The following SMCO4 variants were observed in gnomAD, a reference collection of about 807,000 sequenced individuals.
SMCO4 encodes the protein single-pass membrane protein with coiled-coil domains 4.
A neutral mutation model predicts 3.6 loss-of-function variants in SMCO4; 4 were observed. That is an observed-to-expected ratio of 1.11 (90% CI 0.54 to 2.53). SMCO4 has a LOEUF of 2.53. Ranked by LOEUF, SMCO4 falls within the 30% of genes most tolerant of loss-of-function variation. The pLI, the probability that SMCO4 is intolerant of heterozygous loss-of-function variation, is 0.02. For synonymous variants in SMCO4, 36 were observed against 35.3 expected (o/e 1.02, Z -0.07); for missense variants, 70 against 80.8 (o/e 0.87, Z 0.51).
chr11:93,520,167 C>G (rs922555532), intron 1 of SMCO4, among the ~76,000 whole-genome samples: 1 of 152,164 alleles, frequency 6.6e-6, no homozygotes, highest in African/African-American at 2.4e-5. Context: ...CTGGACAACT[C>G]CCTTGTTTTA....
At chr11:93,521,890 T>C (rs764609921) in intron 1 of SMCO4, among the ~76,000 whole-genome samples, 4 of 152,196 alleles carry the variant, frequency 2.6e-5, no homozygotes, top group East Asian at 1.9e-4. Flanking sequence ...ATTTTGATCA[T>C]TGATCCACAG....
chr11:93,493,659 C>A (rs562997896), intron 2 of SMCO4, among the ~76,000 whole-genome samples: 106 of 152,322 alleles, frequency 7.0e-4, no homozygotes, highest in African/African-American at 2.3e-3. Context: ...GTGTTCCCCA[C>A]TGTCAACAAA....
At chr11:93,494,994 A>G (rs547882071) in intron 2 of SMCO4, among the ~76,000 whole-genome samples, 1 of 152,132 alleles carries the variant, frequency 6.6e-6, no homozygotes, top group South Asian at 2.1e-4. Flanking sequence ...GACCCTCCTC[A>G]GTGTTCTCTG....
At chr11:93,515,324 T>G (rs1191749313) in intron 1 of SMCO4, among the ~76,000 whole-genome samples, 1 of 152,186 alleles carries the variant, frequency 6.6e-6, no homozygotes, top group East Asian at 1.9e-4. Flanking sequence ...GTTAGTAAAA[T>G]AATCACAAAA....
chr11:93,506,644 T>C (rs1948905917), intron 1 of SMCO4, among the ~76,000 whole-genome samples: 1 of 152,136 alleles, frequency 6.6e-6, no homozygotes. Flanking sequence ...GGTTTCACCA[T>C]GTTAGCCAGG....
chr11:93,516,725 G>T (rs555625829), intron 1 of SMCO4, among the ~76,000 whole-genome samples: 6 of 152,162 alleles, frequency 3.9e-5, no homozygotes, highest in Non-Finnish European at 7.4e-5. Context: ...AGGAGGTGAA[G>T]GTTGCTGTGA....
chr11:93,488,969 G>C (rs983873642), intron 2 of SMCO4, among the ~76,000 whole-genome samples: 3 of 152,154 alleles, frequency 2.0e-5, no homozygotes, highest in Non-Finnish European at 4.4e-5. Flanking sequence ...CTGGCCATCT[G>C]GTCTGGCCAC....
intron 1 of SMCO4, chr11:93,523,349 G>T (rs1049630941): frequency 6.6e-6 from 1 of 151,948 alleles, no homozygotes; most frequent in Non-Finnish European, 1.5e-5. Flanking sequence ...ACTAGACGCT[G>T]ATTAGGTCTT....
In SMCO4 at chr11:93,478,561, C is replaced by T. The variant is rs989534458; in HGVS notation, c.*449G>A. The T allele has an allele frequency of 1.3e-5, 2 of 155,934 alleles. No homozygotes were observed. The highest frequency in any genetic ancestry group is 2.4e-5 in the African/African-American group (1 of 41,598). 9.7% of individuals were successfully genotyped at this position (155,934 alleles called of 1,614,324 possible). ...TCACATTAAGCACAGAGAAGAAATA[C>T]AGTCCCTTTGGAGATTGTGAACACG... On this transcript the variant is annotated 3_prime_UTR_variant, in exon 3 of 3. Coordinates refer to ENST00000298966, the MANE Select transcript of SMCO4 (RefSeq NM_020179.3).
intron 2 of SMCO4, among the ~76,000 whole-genome samples, chr11:93,479,991 C>T (rs1047231559): frequency 6.6e-6 from 1 of 152,180 alleles, no homozygotes; most frequent in African/African-American, 2.4e-5. Context: ...ACCTGGGATT[C>T]TCCTGTTAAT....
chr11:93,531,393 C>A (rs1374281708), intron 1 of SMCO4, among the ~76,000 whole-genome samples: 1 of 152,096 alleles, frequency 6.6e-6, no homozygotes, highest in Non-Finnish European at 1.5e-5. Context: ...TGGATTGGAA[C>A]TGACACCATT....
At chr11:93,480,993 CG>C (rs1948585976) in intron 2 of SMCO4, among the ~76,000 whole-genome samples, 3 of 151,884 alleles carry the variant, frequency 2.0e-5, no homozygotes, top group Admixed American at 2.0e-4. Context: ...TTAAGGGAAG[CG>C]CCATTTGGGC....
chr11:93,508,858 G>A (rs370731117), intron 1 of SMCO4, among the ~76,000 whole-genome samples: 1 of 152,220 alleles, frequency 6.6e-6, no homozygotes, highest in South Asian at 2.1e-4. Context: ...AGAAGGAGCA[G>A]GAAACACTTC....
At chr11:93,548,551 A>G in the SMCO4 span, among the ~76,000 whole-genome samples, 13 of 152,174 alleles carry the variant, frequency 8.5e-5, no homozygotes, top group Non-Finnish European at 1.5e-4. Flanking sequence ...TCCAGTGGTT[A>G]AAACATGGGG....
At chr11:93,490,620 G>A (rs543062728) in intron 2 of SMCO4, among the ~76,000 whole-genome samples, 27 of 152,302 alleles carry the variant, frequency 1.8e-4, no homozygotes, top group African/African-American at 5.5e-4. Context: ...GCTGCCTCTC[G>A]CAGACTTCAT....
At chr11:93,492,664 G>A (rs779992743) in intron 2 of SMCO4, among the ~76,000 whole-genome samples, 1 of 152,208 alleles carries the variant, frequency 6.6e-6, no homozygotes, top group Non-Finnish European at 1.5e-5. Flanking sequence ...GAGGGTGCCA[G>A]GGAAGGGCAT....
chr11:93,508,901 G>A (rs1175939076), intron 1 of SMCO4, among the ~76,000 whole-genome samples: 1 of 152,166 alleles, frequency 6.6e-6, no homozygotes, highest in African/African-American at 2.4e-5. Context: ...GAGCCTGGAC[G>A]AGCAGACCCA....
At chr11:93,493,539 T>C (rs1336131700) in intron 2 of SMCO4, among the ~76,000 whole-genome samples, 1 of 152,090 alleles carries the variant, frequency 6.6e-6, no homozygotes, top group Non-Finnish European at 1.5e-5. Flanking sequence ...GTCCTCAGCA[T>C]CTCCACCCAG....
intron 1 of SMCO4, chr11:93,535,567 G>C: frequency 1.3e-6 from 2 of 1,497,772 alleles, no homozygotes; most frequent in East Asian, 2.3e-5. Flanking sequence ...GAAGAAGTAT[G>C]ACAGTCGAAC....
Sources: gnomAD v4.1 joint callset for allele counts (sites outside exome capture counted in the v4.1 genomes callset) on GRCh38, gnomAD v4.1.1 for gene constraint, MANE v1.5 for transcripts, NCBI Gene and HGNC (gene_info 2026-07-23, HGNC 2026-07-21) for gene names.